CCDC82: variants seen among roughly 807,000 people sequenced by gnomAD.
CCDC82 encodes the protein coiled-coil domain-containing protein 82.
In CCDC82, 47 loss-of-function variants were observed where a neutral mutation model predicts 60.6. The observed-to-expected ratio is 0.77, with a 90% CI of 0.61 to 0.99. The LOEUF is 0.99. CCDC82 is among the 50% of genes least tolerant of loss of function. The pLI is 0.00. For synonymous variants in CCDC82, 212 were observed against 207.4 expected (o/e 1.02, Z -0.19); for missense variants, 588 against 633.0 (o/e 0.93, Z 0.76).
chr11:96,382,500 A>G (rs1449520601), intron 5 of CCDC82: 3 of 151,772 alleles, frequency 2.0e-5, no homozygotes, highest in Non-Finnish European at 4.4e-5. Context: ...GAGGATCTGT[A>G]TCATCCAGTG....
At chr11:96,366,493 T>C (rs1474402454) in intron 7 of CCDC82, among the ~76,000 whole-genome samples, 2 of 152,240 alleles carry the variant, frequency 1.3e-5, no homozygotes, top group South Asian at 4.1e-4. Flanking sequence ...TTTTGGAGTC[T>C]GAGACTCTGG....
In CCDC82 at chr11:96,383,427, T is replaced by C. The variant is rs1241294231; in HGVS notation, c.833A>G (p.Glu278Gly). 1.2e-6 allele frequency: 2 copies of C among 1,605,010 alleles called. No homozygotes were observed. The highest frequency in any genetic ancestry group is 2.7e-5 in the African/African-American group (2 of 74,632). ...AGATTCATAATTATCCTCTTCTTCCTCCTCATCAACTTCATCACTGCTTGG... is the reference window on the plus strand; with the variant it reads ...AGATTCATAATTATCCTCTTCTTCCCCCTCATCAACTTCATCACTGCTTGG... ...SCPSSDEVDEEEEEDNYESDE... is the reference protein window; with the variant it reads ...SCPSSDEVDEGEEEDNYESDE... The change falls in exon 5 of 10, where the codon GAG (glutamate) becomes GGG (glycine). Residue 278 changes from glutamate to glycine, a missense_variant. Transcript: ENST00000646818.
At chr11:96,371,468 G>A (rs1256139290) in intron 6 of CCDC82, among the ~76,000 whole-genome samples, 1 of 152,152 alleles carries the variant, frequency 6.6e-6, no homozygotes, top group African/African-American at 2.4e-5. Context: ...TGTAGTCCCA[G>A]CTACTCGGGA....
chr11:96,359,960 A>C (rs984086901), intron 8 of CCDC82, among the ~76,000 whole-genome samples: 10 of 151,384 alleles, frequency 6.6e-5, no homozygotes, highest in Non-Finnish European at 1.2e-4. Flanking sequence ...GTTTATATGG[A>C]CTTCTATAAT....
At chr11:96,383,895 T>C (rs541237182) in intron 4 of CCDC82, 67 bp downstream of exon 4, 11 of 1,423,954 alleles carry the variant, frequency 7.7e-6, no homozygotes, top group African/African-American at 5.8e-5. Flanking sequence ...AGCACTTTTT[T>C]ATAAAAATTA....
rs1444795464 is a variant in CCDC82 at position 96,371,095 on chromosome 11, G to A, written c.1127C>T (p.Ser376Phe). 2.5e-6 allele frequency: 4 copies of A among 1,602,444 alleles called. No homozygotes were observed. Among genetic ancestry groups the A allele is most frequent in the Non-Finnish European group, 3.4e-6 (4 of 1,173,858 alleles). ...QKSYAKDMLTSLHYLDNRFVQ... is the reference protein window; with the variant it reads ...QKSYAKDMLTFLHYLDNRFVQ... ...AAAGCGGTTATCCAAATAATGAAGA[G>A]ATGTTAGCATATCTTTTGCATATGA... The change falls in exon 7 of 10, where the codon TCT becomes TTT. Residue 376 changes from serine to phenylalanine, a missense_variant. Coordinates refer to ENST00000646818, the MANE Select transcript of CCDC82 (RefSeq NM_024725.4).
At chr11:96,377,341 A>G (rs1371154539) in intron 5 of CCDC82, among the ~76,000 whole-genome samples, 3 of 118,302 alleles carry the variant, frequency 2.5e-5, no homozygotes, top group African/African-American at 3.6e-5. Context: ...CTTTTAGCTT[A>G]TATGTGTGTA....
In CCDC82 at chr11:96,383,413, T is replaced by C. The variant is rs763677528; in HGVS notation, c.847A>G (p.Asn283Asp). 22 of 1,603,166 alleles carry C rather than the reference T, an allele frequency of 1.4e-5. 1 individual carries two copies. The South Asian group carries it at 2.3e-4, about 17-fold the overall frequency. Residue 283 changes from asparagine to aspartate, a missense_variant, in exon 5 of 10, where the codon AAT becomes GAT. By Grantham distance (23) the Asn-to-Asp change is conservative (BLOSUM62 1). Transcript: ENST00000646818. ...TCTCCATCTTCATCAGATTCATAAT[T>C]ATCCTCTTCTTCCTCCTCATCAACT... ...DEVDEEEEED[N>D]YESDEDGDDY... is the part of the protein sequence containing the mutation.
chr11:96,371,116 T>A lies in CCDC82; in HGVS notation c.1106A>T (p.Tyr369Phe). ...AAGAGATGTTAGCATATCTTTTGCATATGATTTTTGCCTTGTGCCATCTGT... is the reference window on the plus strand; with the variant it reads ...AAGAGATGTTAGCATATCTTTTGCAAATGATTTTTGCCTTGTGCCATCTGT... ...TLYDGTRQKS[Y>F]AKDMLTSLHY... is the part of the protein sequence containing the mutation. Residue 369 changes from tyrosine to phenylalanine, a missense_variant, in exon 7 of 10, where the codon TAT (tyrosine) becomes TTT (phenylalanine). Physicochemically the swap from Tyr to Phe is conservative, Grantham distance 22. Transcript: ENST00000646818. 1.3e-6 allele frequency: 2 copies of A among 1,596,256 alleles called. No homozygotes were observed. Among genetic ancestry groups the A allele is most frequent in the Non-Finnish European group, 1.7e-6 (2 of 1,171,862 alleles).
intron 5 of CCDC82, among the ~76,000 whole-genome samples, chr11:96,376,557 A>G (rs907331796): frequency 2.6e-5 from 4 of 151,654 alleles, no homozygotes; most frequent in Admixed American, 2.6e-4. Flanking sequence ...CCTCCTGAGT[A>G]GCTGGGATTA....
intron 5 of CCDC82, among the ~76,000 whole-genome samples, chr11:96,378,458 A>G (rs1291131679): frequency 6.6e-6 from 1 of 152,022 alleles, no homozygotes; most frequent in Admixed American, 6.6e-5. Flanking sequence ...AAGTTCTAAG[A>G]TTTAATATTT....
Position 96,353,548 on chromosome 11 carries a change from TAGATAA to T in CCDC82, c.*92_*97del. On this transcript the variant is annotated 3_prime_UTR_variant, in exon 10 of 10. Coordinates refer to ENST00000646818, the MANE Select transcript of CCDC82 (RefSeq NM_024725.4). ...AACAAAATATTTTGCCATGAAGATA[TAGATAA>T]AATGTACAAACATGTCACATGATAC... 1.1e-6 allele frequency: 1 copy of T among 924,936 alleles called. No individual in the cohort carries two copies. Among genetic ancestry groups the T allele is most frequent in the South Asian group, 1.4e-5 (1 of 71,116 alleles). 57.3% of individuals were successfully genotyped at this position (924,936 alleles called of 1,614,324 possible).
intron 5 of CCDC82, among the ~76,000 whole-genome samples, chr11:96,374,211 C>A (rs532291409): frequency 3.3e-5 from 5 of 152,300 alleles, no homozygotes; most frequent in African/African-American, 1.2e-4. Context: ...CTGCTCAGGG[C>A]ACCTGTGAAG....
chr11:96,383,127 C>G (rs1865966664), intron 5 of CCDC82, 142 bp downstream of exon 5: 2 of 631,276 alleles, frequency 3.2e-6, no homozygotes, highest in South Asian at 3.8e-5. Flanking sequence ...CTGGAATAAA[C>G]TATTAAACTG....
intron 5 of CCDC82, among the ~76,000 whole-genome samples, chr11:96,377,947 G>A (rs1865678985): frequency 2.0e-5 from 3 of 151,896 alleles, no homozygotes; most frequent in Middle Eastern, 3.4e-3. Context: ...CCAAAAATAT[G>A]GTATGATTTT....
chr11:96,363,414 T>C (rs1037193318), intron 8 of CCDC82: 13 of 152,196 alleles, frequency 8.5e-5, no homozygotes, highest in Admixed American at 7.2e-4. Context: ...GAAAAAACAA[T>C]TTCTCTTTAA....
intron 6 of CCDC82, 78 bp from the exon 7 acceptor site, chr11:96,371,215 T>C: frequency 3.0e-6 from 3 of 994,116 alleles, no homozygotes; most frequent in Non-Finnish European, 4.1e-6. Flanking sequence ...TAAAAATTTC[T>C]TCCCAACTTG....
At position 96,373,447 on chromosome 11, in the gene CCDC82, T is replaced by C; in HGVS notation, c.1012A>G (p.Thr338Ala). The C allele has an allele frequency of 6.2e-7, 1 of 1,600,116 alleles. No homozygotes were observed. The highest frequency in any genetic ancestry group is 1.1e-5 in the South Asian group (1 of 89,674). The change falls in exon 6 of 10, where the codon ACT becomes GCT. Residue 338 changes from threonine (T) to alanine (A), a missense_variant. Thr to Ala is a moderately conservative substitution (Grantham distance 58). Transcript: ENST00000646818. The stretch of plus-strand genomic sequence containing the variant: ...GCCTTCACAACTCTTTCAAAATGAG[T>C]ATAGTGGTCACTAAAAGAATCTGAA... ...NSLYSFSDHY[T>A]HFERVVKALL...
chr11:96,385,595 C>CA (rs1309836711), intron 3 of CCDC82: 1 of 152,038 alleles, frequency 6.6e-6, no homozygotes, highest in Non-Finnish European at 1.5e-5. Flanking sequence ...GCTTTCCCCT[C>CA]AAAGTTAAAT....
Sources: gnomAD v4.1 joint callset for allele counts (sites outside exome capture counted in the v4.1 genomes callset) on GRCh38, gnomAD v4.1.1 for gene constraint, MANE v1.5 for transcripts, NCBI Gene and HGNC (gene_info 2026-07-23, HGNC 2026-07-21) for gene names.